Variants in PAK5 observed in about 807,000 individuals in gnomAD.
PAK5 encodes the protein p21 (RAC1) activated kinase 5.
A neutral mutation model predicts 65.9 loss-of-function variants in PAK5; 16 were observed. The ratio of observed to expected loss-of-function variants is 0.24; its 90% CI spans 0.16 to 0.37. PAK5 has a LOEUF of 0.37. Among genes scored for constraint, PAK5 ranks in the 10% least tolerant of loss-of-function variants. The pLI is 1.00. For missense variants in PAK5, 785 were observed against 903.9 expected (o/e 0.87, Z 1.69); for synonymous variants, 371 against 354.9 (o/e 1.05, Z -0.51).
rs1355198265 is a variant in PAK5, at chr20:9,539,336, T to C, written c.*126A>G. 5.7e-6 allele frequency: 5 copies of C among 875,224 alleles called. No homozygotes were observed. In the African/African-American group the frequency reaches 8.3e-5, roughly 15 times the overall value. The allele number at this position is 875,224 out of a possible 1,614,324, so 54.2% of individuals were successfully genotyped here. The stretch of plus-strand genomic sequence containing the variant: ...CTGGTCTGTTGAACCCTGCCGGTCA[T>C]CACGCTGTCCCACCAATTGGCTGGT... On this transcript the variant is annotated 3_prime_UTR_variant, in exon 10 of 10. Transcript: ENST00000353224.
At chr20:9,652,977 G>A (rs1232777845) in intron 2 of PAK5, among the ~76,000 whole-genome samples, 2 of 152,016 alleles carry the variant, frequency 1.3e-5, no homozygotes, top group Non-Finnish European at 2.9e-5. Flanking sequence ...GTTGGATTTA[G>A]CATATACATC....
At chr20:9,569,817 G>A (rs1169324466) in intron 4 of PAK5, among the ~76,000 whole-genome samples, 3 of 151,820 alleles carry the variant, frequency 2.0e-5, no homozygotes, top group African/African-American at 4.9e-5. Context: ...TGCCTGGCCT[G>A]CTGAACATTC....
intron 2 of PAK5, among the ~76,000 whole-genome samples, chr20:9,647,966 G>A (rs964114524): frequency 5.3e-5 from 8 of 152,178 alleles, no homozygotes; most frequent in East Asian, 3.8e-4. Flanking sequence ...ACAGATGGAC[G>A]CCTAGTAGGG....
At chr20:9,713,718 C>T (rs566165847) in intron 1 of PAK5, among the ~76,000 whole-genome samples, 6 of 151,896 alleles carry the variant, frequency 4.0e-5, no homozygotes, top group African/African-American at 7.3e-5. Context: ...GGCAGCAATA[C>T]GGATGGAATT....
In PAK5 at chr20:9,577,886, T is replaced by C. The variant is rs142384481; in HGVS notation, c.990+2259A>G. Reference sequence around the variant, plus strand: ...TTGGTGGTGGTGAGCCACAATAGTTTGTGCATTGTTTCTGGGCTGGCAGAG... The same window carrying C: ...TTGGTGGTGGTGAGCCACAATAGTTCGTGCATTGTTTCTGGGCTGGCAGAG... On this transcript the variant is annotated intron_variant, in intron 4 of 9. Coordinates refer to ENST00000353224, the MANE Select transcript of PAK5 (RefSeq NM_177990.4). 3.5e-3 allele frequency among the ~76,000 whole-genome samples: 530 copies of C among 152,260 alleles called. 2 individuals are homozygous for C. Among genetic ancestry groups the C allele is most frequent in the African/African-American group, 0.012 (508 of 41,554 alleles).
intron 1 of PAK5, among the ~76,000 whole-genome samples, chr20:9,789,116 T>C (rs967689581): frequency 6.6e-6 from 1 of 152,172 alleles, no homozygotes; most frequent in African/African-American, 2.4e-5. Context: ...CAATCCTTTG[T>C]AGAAGTTTGT....
intron 1 of PAK5, chr20:9,784,214 T>C (rs912530504): frequency 4.6e-5 from 7 of 152,210 alleles, no homozygotes; most frequent in African/African-American, 1.7e-4. Flanking sequence ...AGGGAACTTG[T>C]TCAGCTTCCA....
At chr20:9,675,189 A>G (rs2254003) in intron 2 of PAK5, among the ~76,000 whole-genome samples, 80,472 of 151,940 alleles carry the variant, frequency 0.53, 22,372 homozygotes, top group African/African-American at 0.71. Context: ...AACTAAATAT[A>G]TATGACAAAA....
chr20:9,611,486 T>A (rs2046559022), intron 3 of PAK5, among the ~76,000 whole-genome samples: 1 of 152,202 alleles, frequency 6.6e-6, no homozygotes, highest in African/African-American at 2.4e-5. Flanking sequence ...TCCCACAATT[T>A]GCCACCCCAA....
At chr20:9,648,472 CTT>C (rs34935319) in intron 2 of PAK5, among the ~76,000 whole-genome samples, 37 of 143,682 alleles carry the variant, frequency 2.6e-4, no homozygotes, top group Non-Finnish European at 2.6e-4. Flanking sequence ...ACATAAACCT[CTT>C]TTTTTTTTTT....
intron 1 of PAK5, among the ~76,000 whole-genome samples, chr20:9,775,270 GA>G (rs77332735): frequency 0.37 from 56,296 of 151,646 alleles, 11,137 homozygotes; most frequent in African/African-American, 0.52. Context: ...TTTTTAAGGG[GA>G]AAAAAAAGAG....
At chr20:9,794,184 G>T (rs920194929) in intron 1 of PAK5, among the ~76,000 whole-genome samples, 2 of 151,728 alleles carry the variant, frequency 1.3e-5, no homozygotes, top group African/African-American at 4.8e-5. Context: ...TTGGGGGGTG[G>T]GGGCAAGGGG....
In PAK5 at chr20:9,566,257, T is replaced by C. The variant is rs2122999844; in HGVS notation, c.1118A>G (p.Tyr373Cys). The C allele has an allele frequency of 4.3e-6, 7 of 1,613,780 alleles. No individual in the cohort carries two copies. The highest frequency in any genetic ancestry group is 5.9e-6 in the Non-Finnish European group (7 of 1,180,008). The change falls in exon 5 of 10, where the codon TAC becomes TGC. Residue 373 changes from tyrosine to cysteine, a missense_variant. Physicochemically the swap from Tyr to Cys is radical, Grantham distance 194 (BLOSUM62 -2). Around this residue, in one of 4 missense-constraint regions of PAK5, gnomAD observed 422 missense variants for 413.3 expected, o/e 1.02. Transcript: ENST00000353224. Reference sequence around the variant, plus strand: ...GGTGGCTTTGTGGTACCCAGACGGGTACTGGTGACTGCTTGAGGAATAGCC... The same window carrying C: ...GGTGGCTTTGTGGTACCCAGACGGGCACTGGTGACTGCTTGAGGAATAGCC... ...KSGYSSSSHQ[Y>C]PSGYHKATLY...
intron 1 of PAK5, among the ~76,000 whole-genome samples, chr20:9,802,932 A>ATATATATATATATATATATATG (rs1171891650): frequency 6.2e-4 from 86 of 138,424 alleles, no homozygotes; most frequent in Non-Finnish European, 1.1e-3. Context: ...ATATATATAT[A>ATATATATATATATATATATATG]TGAATTACTA....
At chr20:9,834,005 C>T (rs1186525463) in intron 1 of PAK5, among the ~76,000 whole-genome samples, 1 of 152,114 alleles carries the variant, frequency 6.6e-6, no homozygotes, top group African/African-American at 2.4e-5. Flanking sequence ...AATTTTTGAA[C>T]ATGTATTTTA....
At chr20:9,770,246 A>G in intron 1 of PAK5, among the ~76,000 whole-genome samples, 1 of 152,172 alleles carries the variant, frequency 6.6e-6, no homozygotes, top group Non-Finnish European at 1.5e-5. Flanking sequence ...GGCAGAGAAC[A>G]TGAGCGCAGA....
intron 5 of PAK5, among the ~76,000 whole-genome samples, chr20:9,563,314 T>C (rs1241673038): frequency 6.6e-6 from 1 of 152,096 alleles, no homozygotes; most frequent in Non-Finnish European, 1.5e-5. Context: ...AAGAGGGAGT[T>C]TGGTTGACCA....
chr20:9,577,348 T>C (rs1054347404), intron 4 of PAK5: 1 of 151,946 alleles, frequency 6.6e-6, no homozygotes, highest in Non-Finnish European at 1.5e-5. Context: ...ATTAATCTTT[T>C]TTTTTCTTTA....
At chr20:9,733,430 T>TTC (rs1189764811) in intron 1 of PAK5, among the ~76,000 whole-genome samples, 1 of 151,256 alleles carries the variant, frequency 6.6e-6, no homozygotes, top group Admixed American at 6.6e-5. Context: ...CTCTCTCTCT[T>TTC]TCTCTCTCTC....
Sources: gnomAD v4.1 joint callset for allele counts (sites outside exome capture counted in the v4.1 genomes callset) on GRCh38, gnomAD v4.1.1 for gene constraint, gnomAD v4.1.1 regional missense constraint, MANE v1.5 for transcripts, NCBI Gene and HGNC (gene_info 2026-07-23, HGNC 2026-07-21) for gene names.